Variants in PTP4A3 observed in about 807,000 individuals in gnomAD.
PTP4A3 encodes protein tyrosine phosphatase type IVA 3.
A neutral mutation model predicts 15.2 loss-of-function variants in PTP4A3; 9 were observed. The observed-to-expected ratio is 0.59, with a 90% confidence interval of 0.36 to 1.03. PTP4A3 has a LOEUF of 1.03. Among genes scored for constraint, PTP4A3 ranks in the 50% least tolerant of loss-of-function variants. The pLI is 0.02. For synonymous variants in PTP4A3, 95 were observed against 102.0 expected (o/e 0.93, Z 0.41); for missense variants, 234 against 252.1 (o/e 0.93, Z 0.49).
At chr8:141,404,059 C>T (rs1166776609) in intron 1 of PTP4A3, among the ~76,000 whole-genome samples, 1 of 152,264 alleles carries the variant, frequency 6.6e-6, no homozygotes, top group Non-Finnish European at 1.5e-5. Context: ...ACAGCCACAC[C>T]CACTCAGCCA....
At chr8:141,397,247 A>T (rs1832474824) in intron 1 of PTP4A3, among the ~76,000 whole-genome samples, 1 of 152,186 alleles carries the variant, frequency 6.6e-6, no homozygotes, top group Non-Finnish European at 1.5e-5. Context: ...CTGTGACAAC[A>T]GGACAGGCTG....
At position 141,430,911 on chromosome 8, in the gene PTP4A3, GT is replaced by G. The variant is rs780031991; in HGVS notation, c.405-14del. The G allele has an allele frequency of 6.2e-7, 1 of 1,612,052 alleles. No homozygotes were observed. Among genetic ancestry groups the G allele is most frequent in the Non-Finnish European group, 8.5e-7 (1 of 1,179,104 alleles). ...AGGTCCTTGGATGATCTCTGTTCCT[GT>G]TCCCCTCTTCCCAGGAAGCGCCGCG... is the stretch of plus-strand genomic sequence containing the variant. On this transcript the variant is annotated splice_polypyrimidine_tract_variant and intron_variant, in intron 5 of 5. Transcript: ENST00000521578.
intron 1 of PTP4A3, among the ~76,000 whole-genome samples, chr8:141,400,245 G>A (rs947150401): frequency 2.6e-5 from 4 of 151,320 alleles, no homozygotes; most frequent in African/African-American, 7.3e-5. Flanking sequence ...CGCCTGGCCC[G>A]CCTCTGCACC....
rs994430576 is a variant in PTP4A3 at position 141,426,754 on chromosome 8, C to T, written c.199-185C>T. On this transcript the variant is annotated intron_variant, in intron 3 of 5. Transcript: ENST00000521578. ...ACAGGGAATGATGAGGAGTCTGAAG[C>T]ACTCACCATGGGGTGCCCATAGGCA... 5 of 928,788 alleles carry T rather than the reference C, an allele frequency of 5.4e-6. No homozygotes were observed. In the Admixed American group the frequency reaches 3.1e-4, roughly 57 times the overall value. 57.5% of individuals were successfully genotyped at this position (928,788 alleles called of 1,614,324 possible). A position where few individuals can be genotyped will look rare whatever the true frequency, so the allele number is the denominator to read the frequency against.
rs1187715076 is a variant in PTP4A3 at position 141,427,878 on chromosome 8, G to C, written c.404+54G>C. The stretch of plus-strand genomic sequence containing the variant: ...GTGAGCGCTGGGGGAGGGGAGATCC[G>C]GCTGCCCACGAAGGGTGGCGGCATT... On this transcript the variant is annotated intron_variant, in intron 5 of 5. Transcript: ENST00000521578. 5.9e-5 allele frequency: 88 copies of C among 1,485,670 alleles called. 1 individual carries two copies. Among genetic ancestry groups the C allele is most frequent in the East Asian group, 3.2e-4 (13 of 40,232 alleles). The allele number at this position is 1,485,670 out of a possible 1,614,324, so 92.0% of individuals were successfully genotyped here. A position where few individuals can be genotyped will look rare whatever the true frequency, so the allele number is the denominator to read the frequency against.
At chr8:141,427,352 CCA>C (rs1415571154) in intron 4 of PTP4A3, among the ~76,000 whole-genome samples, 1 of 152,200 alleles carries the variant, frequency 6.6e-6, no homozygotes, top group East Asian at 1.9e-4. Context: ...AAAGATCCCC[CCA>C]CACACAGCTG....
chr8:141,407,102 C>A lies in PTP4A3; in HGVS notation c.-853-14286C>A, dbSNP rs192462282. On this transcript the variant is annotated intron_variant, in intron 1 of 5. Coordinates refer to ENST00000521578, the MANE Select transcript of PTP4A3 (RefSeq NM_032611.3). ...GACCTCTCTTCCTCCCTGACCTGCCCAGCATCCTCCCTTGGCAGCCTGGCA... is the reference window on the plus strand; with the variant it reads ...GACCTCTCTTCCTCCCTGACCTGCCAAGCATCCTCCCTTGGCAGCCTGGCA... Among the ~76,000 whole-genome samples, 691 of 152,300 alleles carry A rather than the reference C, an allele frequency of 4.5e-3. 2 individuals are homozygous for A. Among genetic ancestry groups the A allele is most frequent in the Non-Finnish European group, 7.4e-3 (501 of 68,018 alleles).
At chr8:141,429,706 C>T (rs1368382136) in intron 5 of PTP4A3, among the ~76,000 whole-genome samples, 2 of 38,610 alleles carry the variant, frequency 5.2e-5, no homozygotes, top group South Asian at 1.8e-3. Context: ...ACAGGGTGAG[C>T]GCACAGTCCG....
At chr8:141,423,824 C>T (rs4072696) in intron 2 of PTP4A3, among the ~76,000 whole-genome samples, 1,819 of 145,270 alleles carry the variant, frequency 0.013, 18 homozygotes, top group Admixed American at 0.029. Flanking sequence ...CCAGGGTTAA[C>T]GCTTAGTGTC....
chr8:141,408,707 G>C (rs917601101), intron 1 of PTP4A3, among the ~76,000 whole-genome samples: 2 of 152,162 alleles, frequency 1.3e-5, no homozygotes, highest in African/African-American at 4.8e-5. Context: ...CGCCTACACA[G>C]ACTCTGTCCT....
At chr8:141,394,842 G>C (rs1832398638) in intron 1 of PTP4A3, among the ~76,000 whole-genome samples, 1 of 152,246 alleles carries the variant, frequency 6.6e-6, no homozygotes, top group Admixed American at 6.5e-5. Context: ...TGCAGGAGGA[G>C]GTACTGCACT....
At chr8:141,430,824 CT>C in intron 5 of PTP4A3, 102 bp from the exon 6 acceptor site, 1 of 1,131,528 alleles carries the variant, frequency 8.8e-7, no homozygotes, top group East Asian at 2.4e-5. Context: ...GCCTCAAGGC[CT>C]TACTCCAGCC....
At chr8:141,426,632 T>C (rs1833588871) in intron 3 of PTP4A3, 1 of 985,058 alleles carries the variant, frequency 1.0e-6, no homozygotes, top group Non-Finnish European at 1.2e-6. Flanking sequence ...CTGACAGGTG[T>C]GGGGATTAGG....
intron 1 of PTP4A3, among the ~76,000 whole-genome samples, chr8:141,408,917 T>G (rs957924132): frequency 6.6e-6 from 1 of 152,206 alleles, no homozygotes; most frequent in Non-Finnish European, 1.5e-5. Context: ...CAGAGTGCCT[T>G]GCCACTGGGG....
At chr8:141,393,946 A>G (rs1832371820) in intron 1 of PTP4A3, among the ~76,000 whole-genome samples, 2 of 152,122 alleles carry the variant, frequency 1.3e-5, no homozygotes, top group Non-Finnish European at 2.9e-5. Flanking sequence ...CTGAATTGGC[A>G]TTGGCCAATT....
Position 141,422,273 on chromosome 8 carries a change from G to C in PTP4A3, c.33G>C (p.Glu11Asp), listed in dbSNP as rs199731261. 5.6e-6 allele frequency: 9 copies of C among 1,613,214 alleles called. No individual in the cohort carries two copies. Among genetic ancestry groups the C allele is most frequent in the Non-Finnish European group, 7.6e-6 (9 of 1,180,002 alleles). ...GGATGAACCGCCCGGCCCCGGTGGAGGTGAGCTACAAACACATGCGCTTCC... is the reference window on the plus strand; with the variant it reads ...GGATGAACCGCCCGGCCCCGGTGGACGTGAGCTACAAACACATGCGCTTCC... MARMNRPAPVEVSYKHMRFLI... is the reference protein window; with the variant it reads MARMNRPAPVDVSYKHMRFLI... The change falls in exon 2 of 6, where the codon GAG (glutamate) becomes GAC (aspartate). Residue 11 changes from glutamate to aspartate, a missense_variant. Transcript: ENST00000521578.
Position 141,421,997 on chromosome 8 carries a change from CTTTT to C in PTP4A3, c.-241_-238del, listed in dbSNP as rs1563736261. 2.1e-6 allele frequency: 1 copy of C among 482,330 alleles called. No homozygotes were observed. The highest frequency in any genetic ancestry group is 3.2e-5 in the South Asian group (1 of 31,686). The allele number at this position is 482,330 out of a possible 1,614,324, so 29.9% of individuals were successfully genotyped here. On this transcript the variant is annotated 5_prime_UTR_variant, in exon 2 of 6. Transcript: ENST00000521578. ...GGCGGCGGGCTGTTTTGTTCCTTTT[CTTTT>C]TTAAGAGTTGGGTTTTCTTTTTTAA...
At chr8:141,429,112 C>A (rs1443710970) in intron 5 of PTP4A3, among the ~76,000 whole-genome samples, 1 of 152,266 alleles carries the variant, frequency 6.6e-6, no homozygotes, top group South Asian at 2.1e-4. Flanking sequence ...CAGAACAGCA[C>A]GGGCGTTTCT....
At chr8:141,426,551 G>A (rs1833585124) in intron 3 of PTP4A3, 3 of 985,444 alleles carry the variant, frequency 3.0e-6, no homozygotes, top group African/African-American at 1.7e-5. Context: ...TGCACCAGCC[G>A]ACCCAAAACC....
Sources: gnomAD v4.1 joint callset for allele counts (sites outside exome capture counted in the v4.1 genomes callset) on GRCh38, gnomAD v4.1.1 for gene constraint, MANE v1.5 for transcripts, NCBI Gene and HGNC (gene_info 2026-07-23, HGNC 2026-07-21) for gene names.